Variants in GHR observed in about 807,000 individuals in gnomAD.
GHR encodes GH receptor.
GHR carries 35 observed loss-of-function variants against 67.1 expected under a neutral mutation model. That is an observed-to-expected ratio of 0.52 (90% CI 0.40 to 0.69). The LOEUF is 0.69. GHR is among the 30% of genes least tolerant of loss of function. The probability of loss-of-function intolerance (pLI) is 0.00; values close to 1 mark genes in which losing one functional copy is unlikely to be tolerated. For missense variants in GHR, 792 were observed against 764.6 expected, an observed-to-expected ratio of 1.04 and a Z score of -0.42; for synonymous variants, 272 against 269.1, an observed-to-expected ratio of 1.01 and a Z score of -0.10.
chr5:42,629,066 C>G lies in GHR; in HGVS notation c.99C>G (p.Pro33=), dbSNP rs76183160. ...CAGCAGCTATCCTTAGCAGAGCACC[C>G]TGGAGTCTGCAAAGTGTTAATCCAG... ...EATAAILSRA[P]WSLQSVNPGL... is the part of the protein sequence containing the mutation. The change falls in exon 3 of 10, where the codon CCC becomes CCG. Residue 33 remains proline, a synonymous_variant. Coordinates refer to ENST00000230882, the MANE Select transcript of GHR (RefSeq NM_000163.5). The G allele has an allele frequency of 1.7e-3, 2,414 of 1,417,318 alleles. 470 individuals are homozygous for G. The highest frequency in any genetic ancestry group is 1.5e-3 in the Non-Finnish European group (1,595 of 1,031,562). 87.8% of individuals were successfully genotyped at this position (1,417,318 alleles called of 1,614,324 possible). A position where few individuals can be genotyped will look rare whatever the true frequency, so the allele number is the denominator to read the frequency against.
At chr5:42,613,760 C>T (rs1336808203) in intron 2 of GHR, among the ~76,000 whole-genome samples, 1 of 151,976 alleles carries the variant, frequency 6.6e-6, no homozygotes, top group African/African-American at 2.4e-5. Context: ...AATTAATCTC[C>T]ACTGGGTATG....
At chr5:42,584,528 T>A (rs1168702852) in intron 2 of GHR, among the ~76,000 whole-genome samples, 1 of 152,212 alleles carries the variant, frequency 6.6e-6, no homozygotes, top group Non-Finnish European at 1.5e-5. Flanking sequence ...ACATAAACCG[T>A]GTGTGTGTTT....
At chr5:42,628,895 A>G in intron 2 of GHR, 143 bp from the exon 3 acceptor site, 1 of 635,896 alleles carries the variant, frequency 1.6e-6, no homozygotes, top group Non-Finnish European at 2.9e-6. Context: ...GTGGCCAGGA[A>G]CCTTTCTCTG....
At chr5:42,646,614 A>G (rs1937678397) in intron 3 of GHR, among the ~76,000 whole-genome samples, 1 of 152,154 alleles carries the variant, frequency 6.6e-6, no homozygotes, top group African/African-American at 2.4e-5. Flanking sequence ...TTCTTAAGGG[A>G]ATGAATGGTT....
intron 3 of GHR, among the ~76,000 whole-genome samples, chr5:42,672,223 TAATTCTATGCCTAGAAAAACCTA>T (rs1172160431): frequency 6.6e-6 from 1 of 152,156 alleles, no homozygotes; most frequent in East Asian, 1.9e-4. Flanking sequence ...ACTGACTATA[TAATTCTATGCCTAGAAAAACCTA>T]AAGGCTCCAC....
intron 1 of GHR, among the ~76,000 whole-genome samples, chr5:42,440,900 T>C (rs1414801679): frequency 6.6e-6 from 1 of 152,128 alleles, no homozygotes; most frequent in Non-Finnish European, 1.5e-5. Context: ...TGGAAAACAC[T>C]AGAGGGAGAC....
At chr5:42,589,351 C>A (rs1377261964) in intron 2 of GHR, among the ~76,000 whole-genome samples, 1 of 152,142 alleles carries the variant, frequency 6.6e-6, no homozygotes, top group East Asian at 1.9e-4. Flanking sequence ...GCCCTATTGT[C>A]CTATTGGCTT....
chr5:42,614,748 T>TGATGTACTAA, intron 2 of GHR, among the ~76,000 whole-genome samples: 1 of 152,030 alleles, frequency 6.6e-6, no homozygotes, highest in African/African-American at 2.4e-5. Context: ...GAGTATTTAT[T>TGATGTACTAA]GATGTACTAA....
intron 3 of GHR, among the ~76,000 whole-genome samples, chr5:42,684,367 C>A (rs1424572711): frequency 6.6e-6 from 1 of 152,168 alleles, no homozygotes; most frequent in Non-Finnish European, 1.5e-5. Flanking sequence ...TATTTCTGTG[C>A]AAACGAACAG....
intron 2 of GHR, among the ~76,000 whole-genome samples, chr5:42,596,207 T>C (rs1752062313): frequency 6.6e-6 from 1 of 152,162 alleles, no homozygotes; most frequent in African/African-American, 2.4e-5. Flanking sequence ...TCTGCCTTTT[T>C]CATCATTGTC....
At chr5:42,543,330 T>A (rs570809785) in intron 1 of GHR, among the ~76,000 whole-genome samples, 1 of 152,290 alleles carries the variant, frequency 6.6e-6, no homozygotes, top group African/African-American at 2.4e-5. Flanking sequence ...TGTTTTTGTC[T>A]TTTTATAATG....
chr5:42,679,603 G>A (rs1474892885), intron 3 of GHR, among the ~76,000 whole-genome samples: 8 of 151,180 alleles, frequency 5.3e-5, no homozygotes, highest in African/African-American at 1.7e-4. Context: ...CCAGCCTGGC[G>A]ACAGAGCGAG....
chr5:42,647,022 T>A, intron 3 of GHR, among the ~76,000 whole-genome samples: 1 of 152,144 alleles, frequency 6.6e-6, no homozygotes, highest in East Asian at 1.9e-4. Flanking sequence ...ACAGAGGAGG[T>A]AAGTGAATCA....
At chr5:42,632,440 C>T (rs967933671) in intron 3 of GHR, among the ~76,000 whole-genome samples, 1 of 152,204 alleles carries the variant, frequency 6.6e-6, no homozygotes, top group Non-Finnish European at 1.5e-5. Flanking sequence ...AAAATTAACC[C>T]ATGCTATGCA....
chr5:42,424,715 GC>G lies in GHR; in HGVS notation c.-12+762del. On this transcript the variant is annotated intron_variant, in intron 1 of 9. Coordinates refer to ENST00000230882, the MANE Select transcript of GHR (RefSeq NM_000163.5). The surrounding 1 kb of genome is among the most constrained non-coding windows in gnomAD (Gnocchi z 4.1). Reference sequence around the variant, plus strand: ...CCAGAGGCTGCGGGTCAATGGGGTGGCCGCGTGTCTAGGGAGAGGGCGCTGG... The same window carrying G: ...CCAGAGGCTGCGGGTCAATGGGGTGGCGCGTGTCTAGGGAGAGGGCGCTGG... 1 of 1,059,352 alleles carries G rather than the reference GC, an allele frequency of 9.4e-7. No individual in the cohort carries two copies. The highest frequency in any genetic ancestry group is 1.4e-6 in the Non-Finnish European group (1 of 711,472). The allele number at this position is 1,059,352 out of a possible 1,614,324, so 65.6% of individuals were successfully genotyped here.
chr5:42,661,063 G>A (rs992235560), intron 3 of GHR, among the ~76,000 whole-genome samples: 1 of 152,092 alleles, frequency 6.6e-6, no homozygotes, highest in Non-Finnish European at 1.5e-5. Context: ...AGAGAAAAAA[G>A]AATAAAAAGA....
rs183763039 is a variant in GHR, at chr5:42,601,867, G to C, written c.71-27171G>C. On this transcript the variant is annotated intron_variant, in intron 2 of 9. Coordinates refer to ENST00000230882, the MANE Select transcript of GHR (RefSeq NM_000163.5). ...AATGAAAAACTTATTGTGTATCAAG[G>C]GTTGTTTATTATATGATTTGTAATT... is the stretch of plus-strand genomic sequence containing the variant. Among the ~76,000 whole-genome samples, 113 of 151,868 alleles carry C rather than the reference G, an allele frequency of 7.4e-4. 2 individuals are homozygous for C. The East Asian group carries it at 0.02, about 27-fold the overall frequency.
At chr5:42,572,956 G>T (rs920579360) in intron 2 of GHR, among the ~76,000 whole-genome samples, 2 of 152,134 alleles carry the variant, frequency 1.3e-5, no homozygotes, top group Non-Finnish European at 1.5e-5. Flanking sequence ...TTTCAAGAGT[G>T]TGGCAAGTTT....
At chr5:42,474,249 A>AAGAC (rs1239569560) in intron 1 of GHR, among the ~76,000 whole-genome samples, 5 of 122,552 alleles carry the variant, frequency 4.1e-5, no homozygotes, top group African/African-American at 1.4e-4. Flanking sequence ...AAGAGAGAGA[A>AAGAC]AGACAGACAG....
Sources: allele counts gnomAD v4.1 joint callset (sites outside exome capture counted in the v4.1 genomes callset), GRCh38; gene constraint gnomAD v4.1.1; non-coding constraint Gnocchi (gnomAD v3.1); transcripts MANE v1.5; gene names NCBI Gene and HGNC (gene_info 2026-07-23, HGNC 2026-07-21).